The following ARHGEF10 variants were observed in gnomAD, a reference collection of about 807,000 sequenced individuals.
ARHGEF10 encodes Rho guanine nucleotide exchange factor 10, also known as Rho guanine nucleotide exchange factor (GEF) 10.
In ARHGEF10, 140 loss-of-function variants were observed where a neutral mutation model predicts 147.4. The observed-to-expected ratio is 0.95, with a 90% CI of 0.83 to 1.09. The LOEUF (loss-of-function observed/expected upper bound fraction) is 1.09, where lower values mean the gene tolerates loss of function less well. Among genes scored for constraint, ARHGEF10 ranks in the 50% least tolerant of loss-of-function variants. The pLI, the probability that ARHGEF10 is intolerant of heterozygous loss-of-function variation, is 0.00. For synonymous variants in ARHGEF10, 902 were observed against 695.8 expected, an observed-to-expected ratio of 1.30 and a Z score of -4.67; for missense variants, 2,222 against 1,752.7, an observed-to-expected ratio of 1.27 and a Z score of -4.78.
At chr8:1,938,700 C>G (rs1414711554) in intron 26 of ARHGEF10, among the ~76,000 whole-genome samples, 1 of 152,164 alleles carries the variant, frequency 6.6e-6, no homozygotes, top group African/African-American at 2.4e-5. Context: ...ACTTGGGAGG[C>G]TGAGGCAGGA....
At position 1,909,464 on chromosome 8, in the gene ARHGEF10, A is replaced by G; in HGVS notation, c.2137A>G (p.Lys713Glu). Residue 713 changes from lysine to glutamate, a missense_variant, in exon 18 of 29, where the codon AAA (lysine) becomes GAA (glutamate). Lys to Glu is a moderately conservative substitution (Grantham distance 56). Coordinates refer to ENST00000349830, the MANE Select transcript of ARHGEF10 (RefSeq NM_014629.4). ...GAGCCTGGCCGTGGTTGCTAACGCG[A>G]AACCAAGTAAGTGATGCTTTCTCTC... ...PESLAVVANA[K>E]PNKVYMGPGQ... 6.2e-7 allele frequency: 1 copy of G among 1,613,988 alleles called. No individual in the cohort carries two copies. Among genetic ancestry groups the G allele is most frequent in the African/African-American group, 1.3e-5 (1 of 75,060 alleles).
At chr8:1,868,724 C>T (rs931488781) in intron 6 of ARHGEF10, among the ~76,000 whole-genome samples, 5 of 152,140 alleles carry the variant, frequency 3.3e-5, no homozygotes, top group African/African-American at 1.2e-4. Flanking sequence ...CCATTGTATC[C>T]AGCACTGATG....
Position 1,866,604 on chromosome 8 carries a change from TA to T in ARHGEF10, c.622+4del. ...CGGCCAACACAGCCTGGATGGAGAG[TA>T]AGTTCCCCAGCTGCCCACAGCCAGA... On this transcript the variant is annotated splice_donor_region_variant and intron_variant, in intron 6 of 28. Coordinates refer to ENST00000349830, the MANE Select transcript of ARHGEF10 (RefSeq NM_014629.4). 1 of 1,603,960 alleles carries T rather than the reference TA, an allele frequency of 6.2e-7. No individual in the cohort carries two copies.
intron 2 of ARHGEF10, among the ~76,000 whole-genome samples, chr8:1,846,523 C>A (rs180997110): frequency 8.0e-4 from 122 of 152,302 alleles, no homozygotes; most frequent in Admixed American, 3.1e-3. Context: ...CATCACTTTT[C>A]TGGTTTTTTT....
Position 1,850,475 on chromosome 8 carries a change from C to T in ARHGEF10, c.37+7039C>T, listed in dbSNP as rs182329045. On this transcript the variant is annotated intron_variant, in intron 2 of 28. Transcript: ENST00000349830. ...TGTGGGGCAACCGCGTGGGCATGGA[C>T]GGCAAGTGCGGAAGACGGCATGGGC... is the stretch of plus-strand genomic sequence containing the variant. Among the ~76,000 whole-genome samples the T allele has an allele frequency of 2.3e-4, 33 of 141,770 alleles. 1 individual carries two copies. The highest frequency in any genetic ancestry group is 4.8e-4 in the Non-Finnish European group (32 of 66,152). The allele number at this position is 141,770 out of a possible 152,430, so 93.0% of individuals were successfully genotyped here.
At chr8:1,918,982 G>A (rs972434807) in intron 18 of ARHGEF10, among the ~76,000 whole-genome samples, 25 of 151,864 alleles carry the variant, frequency 1.6e-4, no homozygotes, top group Middle Eastern at 3.4e-3. Context: ...CTGTTCTGTG[G>A]GTGATGGAGC....
At chr8:1,839,613 A>AAG (rs1803835253) in intron 1 of ARHGEF10, among the ~76,000 whole-genome samples, 1 of 117,086 alleles carries the variant, frequency 8.5e-6, no homozygotes, top group African/African-American at 3.6e-5. Context: ...TGCTGTGGGG[A>AAG]CTGTCTGGTG....
In ARHGEF10 at chr8:1,915,197, G is replaced by A. The variant is rs565736376; in HGVS notation, c.2143+5727G>A. On this transcript the variant is annotated intron_variant, in intron 18 of 28. Coordinates refer to ENST00000349830, the MANE Select transcript of ARHGEF10 (RefSeq NM_014629.4). ...GGAGTAAAACCACAAAGAGCTCTCA[G>A]AGAGGATGGGCGCTGACTCCGGATG... Among the ~76,000 whole-genome samples the A allele has an allele frequency of 1.1e-4, 16 of 152,296 alleles. 1 individual carries two copies. In the South Asian group the frequency reaches 3.3e-3, roughly 32 times the overall value.
At chr8:1,867,627 C>T (rs973663012) in intron 6 of ARHGEF10, among the ~76,000 whole-genome samples, 1 of 152,174 alleles carries the variant, frequency 6.6e-6, no homozygotes, top group Non-Finnish European at 1.5e-5. Context: ...TGAGCCAGCC[C>T]CCCTCCAGGT....
intron 1 of ARHGEF10, among the ~76,000 whole-genome samples, chr8:1,836,129 C>T (rs569443736): frequency 2.1e-4 from 32 of 150,744 alleles, no homozygotes; most frequent in Non-Finnish European, 3.8e-4. Flanking sequence ...TGCAGTGAGC[C>T]GAGATTGTGC....
intron 11 of ARHGEF10, among the ~76,000 whole-genome samples, chr8:1,891,669 T>G (rs1809538774): frequency 6.6e-6 from 1 of 152,110 alleles, no homozygotes; most frequent in Admixed American, 6.5e-5. Flanking sequence ...CTGTGGGGGC[T>G]GCATTCAGGA....
Position 1,888,181 on chromosome 8 carries a change from G to A in ARHGEF10, c.1182+2474G>A, listed in dbSNP as rs1461247633. ...AGGGTTGCGAGGAGACAGTGAGTGG[G>A]GTGAGGGTTTGCGAGGAGACACTTA... On this transcript the variant is annotated intron_variant, in intron 11 of 28. Transcript: ENST00000349830. 4.4e-5 allele frequency among the ~76,000 whole-genome samples: 3 copies of A among 67,684 alleles called. No individual in the cohort carries two copies. In the South Asian group the frequency reaches 1.2e-3, roughly 26 times the overall value. 44.4% of individuals were successfully genotyped at this position (67,684 alleles called of 152,430 possible). A position where few individuals can be genotyped will look rare whatever the true frequency, so the allele number is the denominator to read the frequency against.
chr8:1,832,687 GACA>G (rs1803236836), intron 1 of ARHGEF10, among the ~76,000 whole-genome samples: 1 of 81,952 alleles, frequency 1.2e-5, no homozygotes, highest in Non-Finnish European at 2.8e-5. Flanking sequence ...CAGAGACAGA[GACA>G]GAGAGACAGG....
At chr8:1,851,249 G>T (rs1473338427) in intron 2 of ARHGEF10, among the ~76,000 whole-genome samples, 1 of 151,028 alleles carries the variant, frequency 6.6e-6, no homozygotes, top group Non-Finnish European at 1.5e-5. Context: ...CAGGAGCGAG[G>T]CCTCACGCAC....
At position 1,957,410 on chromosome 8, in the gene ARHGEF10, G is replaced by A. The variant is rs1815671593; in HGVS notation, c.*147G>A. 1.3e-5 allele frequency: 15 copies of A among 1,149,934 alleles called. No homozygotes were observed. The East Asian group carries it at 3.9e-4, about 30-fold the overall frequency. 71.2% of individuals were successfully genotyped at this position (1,149,934 alleles called of 1,614,324 possible). A position where few individuals can be genotyped will look rare whatever the true frequency, so the allele number is the denominator to read the frequency against. On this transcript the variant is annotated 3_prime_UTR_variant, in exon 29 of 29. Transcript: ENST00000349830. The stretch of plus-strand genomic sequence containing the variant: ...GGGGAGAAACGTGCAATAGCGTAAT[G>A]GTGGTGTCCCTGCCAATTCCTTCCT...
chr8:1,938,002 C>T (rs1402084698), intron 26 of ARHGEF10, among the ~76,000 whole-genome samples: 3 of 152,284 alleles, frequency 2.0e-5, no homozygotes, highest in East Asian at 1.9e-4. Context: ...CCAGTAGAGA[C>T]GCTGAGCCGG....
At chr8:1,846,212 C>T (rs1804553370) in intron 2 of ARHGEF10, among the ~76,000 whole-genome samples, 1 of 152,252 alleles carries the variant, frequency 6.6e-6, no homozygotes, top group Non-Finnish European at 1.5e-5. Context: ...AGCGAGGCCC[C>T]TGCCCTTGCT....
At chr8:1,921,296 G>A (rs369357325) in intron 18 of ARHGEF10, among the ~76,000 whole-genome samples, 1 of 152,002 alleles carries the variant, frequency 6.6e-6, no homozygotes. Flanking sequence ...TCTTTTTATT[G>A]GAAATATGTA....
chr8:1,836,592 C>T (rs1803596661), intron 1 of ARHGEF10, among the ~76,000 whole-genome samples: 1 of 152,136 alleles, frequency 6.6e-6, no homozygotes, highest in Non-Finnish European at 1.5e-5. Context: ...ATACTTCTCA[C>T]AGCAGGTCGG....
Sources: allele counts gnomAD v4.1 joint callset (sites outside exome capture counted in the v4.1 genomes callset), GRCh38; gene constraint gnomAD v4.1.1; transcripts MANE v1.5; gene names NCBI Gene and HGNC (gene_info 2026-07-23, HGNC 2026-07-21).